The following RBFOX1 variants were observed in gnomAD, a reference collection of about 807,000 sequenced individuals.
RBFOX1 encodes RNA binding protein fox-1 homolog 1.
Under a neutral mutation model 57.7 loss-of-function variants are expected in RBFOX1, and 8 were observed. The ratio of observed to expected loss-of-function variants is 0.14; its 90% CI spans 0.08 to 0.25. RBFOX1 has a LOEUF of 0.25. Among genes scored for constraint, RBFOX1 ranks in the 10% least tolerant of loss-of-function variants. The pLI, the probability that RBFOX1 is intolerant of heterozygous loss-of-function variation, is 1.00. For synonymous variants in RBFOX1, 326 were observed against 222.4 expected (o/e 1.47, Z -4.15); for missense variants, 611 against 548.5 (o/e 1.11, Z -1.14).
chr16:6,254,890 T>TC (rs2097650657), intron 1 of RBFOX1, among the ~76,000 whole-genome samples: 1 of 152,038 alleles, frequency 6.6e-6, no homozygotes, highest in Admixed American at 6.6e-5. Context: ...TTCTTGGCTT[T>TC]CCCCCCATGC....
intron 4 of RBFOX1, among the ~76,000 whole-genome samples, chr16:7,287,337 C>T (rs145042680): frequency 2.4e-4 from 37 of 152,314 alleles, no homozygotes; most frequent in African/African-American, 8.7e-4. Flanking sequence ...AAGAAAGAAA[C>T]TTCTTTGGTG....
intron 14 of RBFOX1, among the ~76,000 whole-genome samples, chr16:7,708,030 G>A (rs1029500397): frequency 4.6e-5 from 7 of 152,150 alleles, no homozygotes; most frequent in Admixed American, 1.3e-4. Flanking sequence ...GACCAAGCAC[G>A]CAAGTTGCCC....
intron 2 of RBFOX1, among the ~76,000 whole-genome samples, chr16:6,431,427 G>A (rs778917450): frequency 1.3e-5 from 2 of 152,016 alleles, no homozygotes; most frequent in African/African-American, 2.4e-5. Context: ...ATGCAGTGAC[G>A]GTCCAGCCCA....
intron 3 of RBFOX1, among the ~76,000 whole-genome samples, chr16:6,830,908 C>G (rs35440531): frequency 0.12 from 18,312 of 152,128 alleles, 1,417 homozygotes; most frequent in Non-Finnish European, 0.16. Flanking sequence ...TTTCAGCAAC[C>G]AGGTAGAATT....
At chr16:7,424,635 G>A (rs1429050820) in intron 4 of RBFOX1, among the ~76,000 whole-genome samples, 1 of 152,092 alleles carries the variant, frequency 6.6e-6, no homozygotes, top group African/African-American at 2.4e-5. Flanking sequence ...TGTTCACAAG[G>A]TACATAATGC....
intron 11 of RBFOX1, among the ~76,000 whole-genome samples, chr16:7,650,380 A>G (rs1365190518): frequency 6.7e-6 from 1 of 148,328 alleles, no homozygotes; most frequent in Admixed American, 6.7e-5. Context: ...CCAGGAATTG[A>G]TTTTCAGTCC....
intron 2 of RBFOX1, among the ~76,000 whole-genome samples, chr16:6,384,060 C>CTTTTT (rs5815305): frequency 7.9e-6 from 1 of 126,638 alleles, no homozygotes; most frequent in Non-Finnish European, 1.7e-5. Flanking sequence ...ATTGGTTTTG[C>CTTTTT]TTTTTTTTTT....
intron 3 of RBFOX1, among the ~76,000 whole-genome samples, chr16:6,859,185 GTAT>G (rs2058553311): frequency 2.3e-5 from 1 of 44,030 alleles, no homozygotes; most frequent in Admixed American, 3.1e-4. Context: ...GTATATATAT[GTAT>G]ATATATATGT....
chr16:5,425,528 T>C (rs1459401613), intron 1 of RBFOX1, among the ~76,000 whole-genome samples: 1 of 152,170 alleles, frequency 6.6e-6, no homozygotes, highest in Non-Finnish European at 1.5e-5. Flanking sequence ...AGAGATGCTA[T>C]TTACCAAATT....
intron 1 of RBFOX1, among the ~76,000 whole-genome samples, chr16:6,041,320 C>T (rs2095433947): frequency 6.6e-6 from 1 of 152,074 alleles, no homozygotes. Context: ...AATTGTGCTT[C>T]ACTACTTAAA....
intron 1 of RBFOX1, among the ~76,000 whole-genome samples, chr16:6,243,001 C>G (rs539738392): frequency 6.6e-6 from 1 of 152,126 alleles, no homozygotes; most frequent in Non-Finnish European, 1.5e-5. Flanking sequence ...AGGTACATTA[C>G]TGTAATCAAA....
intron 3 of RBFOX1, among the ~76,000 whole-genome samples, chr16:5,658,290 T>C (rs906007379): frequency 6.6e-6 from 1 of 152,114 alleles, no homozygotes; most frequent in Non-Finnish European, 1.5e-5. Flanking sequence ...ATTGGAAAGA[T>C]ATCCTGAGCC....
Position 6,893,636 on chromosome 16 carries a change from G to A in RBFOX1, c.-15-158421G>A, listed in dbSNP as rs144192170. Among the ~76,000 whole-genome samples, 829 of 152,218 alleles carry A rather than the reference G, an allele frequency of 5.4e-3. 17 individuals carry two copies. Among genetic ancestry groups the A allele is most frequent in the African/African-American group, 0.019 (794 of 41,536 alleles). ...AGGAGAAAAGGAGAACAAAAGCCCTGTTCCTCCAATAGAGCATTGGCCAGA... is the reference window on the plus strand; with the variant it reads ...AGGAGAAAAGGAGAACAAAAGCCCTATTCCTCCAATAGAGCATTGGCCAGA... On this transcript the variant is annotated intron_variant, in intron 3 of 15. Transcript: ENST00000550418.
intron 4 of RBFOX1, among the ~76,000 whole-genome samples, chr16:5,942,780 T>G (rs577134641): frequency 6.6e-6 from 1 of 152,214 alleles, no homozygotes; most frequent in African/African-American, 2.4e-5. Flanking sequence ...CTCACTGATA[T>G]AATTTTCTCA....
intron 4 of RBFOX1, among the ~76,000 whole-genome samples, chr16:7,176,381 G>T (rs970832691): frequency 2.6e-5 from 4 of 151,882 alleles, no homozygotes; most frequent in African/African-American, 7.3e-5. Flanking sequence ...AGTGTACTTT[G>T]TGACTATAAT....
intron 1 of RBFOX1, among the ~76,000 whole-genome samples, chr16:6,080,240 A>G (rs937351246): frequency 2.0e-4 from 30 of 152,142 alleles, no homozygotes; most frequent in African/African-American, 6.8e-4. Context: ...CCCACAGAAT[A>G]AGCAATGTTG....
chr16:7,054,336 T>C (rs1215327120), intron 4 of RBFOX1, among the ~76,000 whole-genome samples: 1 of 145,968 alleles, frequency 6.9e-6, no homozygotes, highest in African/African-American at 2.5e-5. Flanking sequence ...GACTCCCTGG[T>C]TTAAGCAATT....
intron 4 of RBFOX1, among the ~76,000 whole-genome samples, chr16:5,899,631 T>C (rs928899322): frequency 6.6e-6 from 1 of 152,132 alleles, no homozygotes; most frequent in Non-Finnish European, 1.5e-5. Flanking sequence ...GGGTACCTGA[T>C]TGGGTCAAAA....
intron 3 of RBFOX1, among the ~76,000 whole-genome samples, chr16:5,673,615 G>A (rs1443310490): frequency 6.6e-6 from 1 of 152,228 alleles, no homozygotes; most frequent in Non-Finnish European, 1.5e-5. Context: ...TCCATTCAGT[G>A]AAGTTCATGT....
Sources: gnomAD v4.1 joint callset for allele counts (sites outside exome capture counted in the v4.1 genomes callset) on GRCh38, gnomAD v4.1.1 for gene constraint, MANE v1.5 for transcripts, NCBI Gene and HGNC (gene_info 2026-07-23, HGNC 2026-07-21) for gene names.